The following PIBF1 variants were observed in gnomAD, a reference collection of about 807,000 sequenced individuals.
PIBF1 encodes progesterone-induced-blocking factor 1.
In PIBF1, 90 loss-of-function variants were observed where a neutral mutation model predicts 112.5. That is an observed-to-expected ratio of 0.80 (90% CI 0.67 to 0.95). PIBF1 has a LOEUF of 0.95. Ranked by LOEUF, PIBF1 falls within the 40% of genes least tolerant of loss-of-function variation. The pLI is 0.00. For missense variants in PIBF1, 915 were observed against 852.3 expected (o/e 1.07, Z -0.92); for synonymous variants, 301 against 288.6 (o/e 1.04, Z -0.44).
chr13:72,887,720 C>T (rs946784051), intron 10 of PIBF1, among the ~76,000 whole-genome samples: 2 of 151,536 alleles, frequency 1.3e-5, no homozygotes, highest in African/African-American at 4.8e-5. Flanking sequence ...TAATTTTCTC[C>T]TCTCACCTCT....
intron 11 of PIBF1, among the ~76,000 whole-genome samples, chr13:72,895,959 C>A (rs1594143655): frequency 6.6e-6 from 1 of 152,118 alleles, no homozygotes; most frequent in African/African-American, 2.4e-5. Flanking sequence ...CGAGACCAGC[C>A]CTTCAGTTTT....
In PIBF1 at chr13:72,827,870, CAAAAAGGCTAGAG is replaced by C; in HGVS notation, c.1056_1068del (p.Lys353ArgfsTer7). The C allele has an allele frequency of 3.2e-6, 5 of 1,586,278 alleles. No individual in the cohort carries two copies. The highest frequency in any genetic ancestry group is 4.3e-6 in the Non-Finnish European group (5 of 1,166,904). On this transcript the variant is annotated frameshift_variant, in exon 8 of 18. Transcript: ENST00000326291. LOFTEE classifies it high-confidence loss of function. ...GACTTCAAGCTCAACTGGAAGAAAG[CAAAAAGGCTAGAG>C]AAGAGATGTATGAAAAATATGTAGC...
At chr13:72,892,820 A>ACACACC (rs1566413384) in intron 10 of PIBF1, among the ~76,000 whole-genome samples, 1 of 150,610 alleles carries the variant, frequency 6.6e-6, no homozygotes, top group East Asian at 1.9e-4. Context: ...GCACACGCAC[A>ACACACC]CACACCCCTC....
At chr13:72,937,988 C>T (rs919654428) in intron 14 of PIBF1, among the ~76,000 whole-genome samples, 1 of 152,134 alleles carries the variant, frequency 6.6e-6, no homozygotes, top group African/African-American at 2.4e-5. Flanking sequence ...CTTCCTTTAA[C>T]AATTTTTATA....
intron 14 of PIBF1, among the ~76,000 whole-genome samples, chr13:72,959,772 G>C (rs532163902): frequency 6.6e-6 from 1 of 152,164 alleles, no homozygotes; most frequent in Non-Finnish European, 1.5e-5. Flanking sequence ...TGAATCATAT[G>C]TACAGGTTAT....
intron 11 of PIBF1, chr13:72,901,196 A>G (rs566236419): frequency 2.5e-5 from 7 of 279,364 alleles, no homozygotes; most frequent in South Asian, 1.7e-4. Context: ...CGGAATCTAC[A>G]GTGAACTCAA....
At chr13:72,879,312 TAA>T (rs2039530000) in intron 10 of PIBF1, among the ~76,000 whole-genome samples, 1 of 152,152 alleles carries the variant, frequency 6.6e-6, no homozygotes, top group South Asian at 2.1e-4. Flanking sequence ...TTCAGGAGGT[TAA>T]AGTGTTTTTA....
chr13:72,920,910 A>T (rs2041264394), intron 13 of PIBF1, among the ~76,000 whole-genome samples: 1 of 152,226 alleles, frequency 6.6e-6, no homozygotes, highest in Non-Finnish European at 1.5e-5. Flanking sequence ...ATTGTACATC[A>T]GCCTATACCA....
At chr13:72,841,647 G>T (rs2037615759) in intron 9 of PIBF1, among the ~76,000 whole-genome samples, 1 of 152,058 alleles carries the variant, frequency 6.6e-6, no homozygotes, top group Admixed American at 6.6e-5. Context: ...GGTGGCACAG[G>T]CCTGTAGTCC....
At position 72,793,414 on chromosome 13, in the gene PIBF1, G is replaced by A. The variant is rs185830260; in HGVS notation, c.353+867G>A. Among the ~76,000 whole-genome samples, 7 of 152,284 alleles carry A rather than the reference G, an allele frequency of 4.6e-5. No homozygotes were observed. In the East Asian group the frequency reaches 1.4e-3, roughly 29 times the overall value. ...CAAACTTTAGCATGTATCAGGAACA[G>A]TTGAAGGGCTTGTTAAAGAAGCCTA... On this transcript the variant is annotated intron_variant, in intron 3 of 17. Coordinates refer to ENST00000326291, the MANE Select transcript of PIBF1 (RefSeq NM_006346.4).
chr13:72,902,839 A>G (rs987003544), intron 11 of PIBF1, among the ~76,000 whole-genome samples: 4 of 152,184 alleles, frequency 2.6e-5, no homozygotes, highest in East Asian at 1.9e-4. Context: ...GGTCTTGACT[A>G]TGGTTTACAT....
At position 72,931,112 on chromosome 13, in the gene PIBF1, T is replaced by G. The variant is rs951752368; in HGVS notation, c.1731-53T>G. The G allele has an allele frequency of 1.3e-5, 13 of 1,008,678 alleles. No individual in the cohort carries two copies. The African/African-American group carries it at 1.9e-4, about 15-fold the overall frequency. The allele number at this position is 1,008,678 out of a possible 1,614,324, so 62.5% of individuals were successfully genotyped here. A position where few individuals can be genotyped will look rare whatever the true frequency, so the allele number is the denominator to read the frequency against. ...CAAGTACACAAACACATTTTGAATA[T>G]TTTGGGCAGTATTTCACTTTTAAGC... On this transcript the variant is annotated intron_variant, in intron 13 of 17. Transcript: ENST00000326291.
At chr13:72,941,558 A>G (rs947401435) in intron 14 of PIBF1, among the ~76,000 whole-genome samples, 3 of 152,188 alleles carry the variant, frequency 2.0e-5, no homozygotes, top group African/African-American at 7.2e-5. Context: ...CTTATTTTCT[A>G]CTGTAAGCAC....
intron 6 of PIBF1, among the ~76,000 whole-genome samples, chr13:72,823,657 T>C (rs2138135820): frequency 6.6e-6 from 1 of 152,318 alleles, no homozygotes; most frequent in Middle Eastern, 3.4e-3. Context: ...ATTCAAATGC[T>C]TTTCAGTAGC....
intron 10 of PIBF1, among the ~76,000 whole-genome samples, chr13:72,871,028 G>A (rs1029206550): frequency 1.3e-5 from 2 of 152,034 alleles, no homozygotes; most frequent in African/African-American, 4.8e-5. Flanking sequence ...ATATATTTAT[G>A]GTAATTCAAG....
chr13:72,948,393 T>C (rs2042206110), intron 14 of PIBF1, among the ~76,000 whole-genome samples: 1 of 152,132 alleles, frequency 6.6e-6, no homozygotes, highest in South Asian at 2.1e-4. Context: ...CATCTGAAAC[T>C]ACCTCAGTCA....
chr13:72,869,613 T>TAAC (rs2039074417), intron 10 of PIBF1, among the ~76,000 whole-genome samples: 1 of 133,782 alleles, frequency 7.5e-6, no homozygotes, highest in Admixed American at 8.7e-5. Flanking sequence ...ACTTAAAGTA[T>TAAC]AATAATAATA....
At chr13:72,971,543 T>C (rs1205807186) in intron 15 of PIBF1, among the ~76,000 whole-genome samples, 1 of 152,226 alleles carries the variant, frequency 6.6e-6, no homozygotes, top group Non-Finnish European at 1.5e-5. Flanking sequence ...AGTTTGTTTT[T>C]CAGCTGAGCT....
intron 14 of PIBF1, 87 bp from the exon 15 acceptor site, chr13:72,965,187 C>G: frequency 8.5e-7 from 1 of 1,176,542 alleles, no homozygotes; most frequent in Non-Finnish European, 1.2e-6. Context: ...AAAGGAATTT[C>G]TGTACTATAT....
Sources: allele counts gnomAD v4.1 joint callset (sites outside exome capture counted in the v4.1 genomes callset), GRCh38; gene constraint gnomAD v4.1.1; transcripts MANE v1.5; gene names NCBI Gene and HGNC (gene_info 2026-07-23, HGNC 2026-07-21).